MED13L: variants seen among roughly 807,000 people sequenced by gnomAD.
The protein encoded by MED13L is mediator of RNA polymerase II transcription subunit 13-like.
Under a neutral mutation model 220.9 loss-of-function variants are expected in MED13L, and 7 were observed. The observed-to-expected ratio is 0.03, with a 90% confidence interval of 0.02 to 0.06. MED13L has a LOEUF of 0.06. MED13L is among the 10% of genes least tolerant of loss of function. The pLI is 1.00. For missense variants in MED13L, 1,965 were observed against 2,760.5 expected (o/e 0.71, Z 6.46); for synonymous variants, 1,011 against 1,015.2 (o/e 1.00, Z 0.08).
chr12:116,213,140 C>T (rs1882801210), intron 2 of MED13L, among the ~76,000 whole-genome samples: 1 of 152,126 alleles, frequency 6.6e-6, no homozygotes, highest in Non-Finnish European at 1.5e-5. Context: ...AACTTCATCT[C>T]CCACACTCTT....
chr12:116,226,656 G>A (rs1248341565), intron 2 of MED13L, among the ~76,000 whole-genome samples: 2 of 152,156 alleles, frequency 1.3e-5, no homozygotes, highest in Non-Finnish European at 2.9e-5. Flanking sequence ...ATCACTTGAG[G>A]TCAGAAGTTT....
intron 2 of MED13L, among the ~76,000 whole-genome samples, chr12:116,189,887 T>C (rs551592013): frequency 2.6e-4 from 39 of 152,338 alleles, no homozygotes; most frequent in Non-Finnish European, 4.7e-4. Context: ...TATTTTGTTG[T>C]ACCCTGTGAC....
chr12:116,276,280 T>C, intron 1 of MED13L: 1 of 355,932 alleles, frequency 2.8e-6, no homozygotes, highest in Non-Finnish European at 4.7e-6. Flanking sequence ...ATAAAAGCGA[T>C]GTTATCAAAC....
chr12:116,228,738 A>T (rs1248327966), intron 2 of MED13L, among the ~76,000 whole-genome samples: 5 of 152,314 alleles, frequency 3.3e-5, no homozygotes, highest in Admixed American at 2.0e-4. Flanking sequence ...ACTCCATTCA[A>T]TGTTAATGTT....
chr12:116,188,031 A>G (rs1420653484), intron 2 of MED13L, among the ~76,000 whole-genome samples: 25 of 152,084 alleles, frequency 1.6e-4, no homozygotes, highest in Admixed American at 1.6e-3. Flanking sequence ...TCACTCATTC[A>G]TTGGATTTAT....
chr12:116,029,954 GTTTT>G (rs766741738), intron 4 of MED13L, among the ~76,000 whole-genome samples: 20 of 151,562 alleles, frequency 1.3e-4, no homozygotes, highest in Admixed American at 7.2e-4. Context: ...CTCTTTTTGG[GTTTT>G]TTGTTTGTTT....
intron 23 of MED13L, 84 bp from the exon 24 acceptor site, chr12:115,975,822 C>A: frequency 2.3e-6 from 3 of 1,289,708 alleles, no homozygotes; most frequent in Non-Finnish European, 3.3e-6. Flanking sequence ...ACTGAGGGGA[C>A]CCACAGGGAG....
intron 23 of MED13L, among the ~76,000 whole-genome samples, chr12:115,979,100 A>T (rs1877151772): frequency 2.0e-5 from 3 of 152,348 alleles, no homozygotes; most frequent in Admixed American, 2.0e-4. Flanking sequence ...GCATTGACCA[A>T]CTAACCATTA....
chr12:115,996,282 G>T (rs1453921050), intron 16 of MED13L, among the ~76,000 whole-genome samples, 194 bp downstream of exon 16: 2 of 151,956 alleles, frequency 1.3e-5, no homozygotes, highest in Non-Finnish European at 2.9e-5. Context: ...AGTAGAGACG[G>T]GGTTTCACCA....
chr12:116,035,543 T>C lies in MED13L; in HGVS notation c.480-12942A>G, dbSNP rs1209761934. Among the ~76,000 whole-genome samples the C allele has an allele frequency of 2.0e-5, 3 of 152,228 alleles. No individual in the cohort carries two copies. The East Asian group carries it at 5.8e-4, about 29-fold the overall frequency. ...ATATTTTGTAATGGCTAAAATTCTA[T>C]ATTCTCAAGGTCCAGTAAGTAACAC... On this transcript the variant is annotated intron_variant, in intron 4 of 30. Transcript: ENST00000281928.
intron 2 of MED13L, among the ~76,000 whole-genome samples, chr12:116,210,922 C>T (rs1035704858): frequency 1.3e-5 from 2 of 152,072 alleles, no homozygotes; most frequent in Admixed American, 6.6e-5. Flanking sequence ...TCATGGTTTA[C>T]CACCTGAAGC....
chr12:116,135,870 C>A (rs1876502368), intron 2 of MED13L, among the ~76,000 whole-genome samples: 1 of 151,542 alleles, frequency 6.6e-6, no homozygotes, highest in African/African-American at 2.4e-5. Flanking sequence ...AGCCACTGTG[C>A]TGCTTCAAGT....
In MED13L at chr12:115,968,967, A is replaced by G; in HGVS notation, c.6198T>C (p.Gly2066=). ...GACTATGCTGGAAGTGAGAGCCCAC[A>G]CCAATTCCAGAAGGAGAGCCTGGGG... The part of the protein sequence containing the change: ...VPSPGSPSGI[G]VGSHFQHSRS... The change falls in exon 28 of 31, where the codon GGT becomes GGC. Residue 2066 remains glycine (G), a synonymous_variant. Transcript: ENST00000281928. The G allele has an allele frequency of 6.2e-7, 1 of 1,614,090 alleles. No individual in the cohort carries two copies. The highest frequency in any genetic ancestry group is 8.5e-7 in the Non-Finnish European group (1 of 1,179,986).
intron 4 of MED13L, among the ~76,000 whole-genome samples, chr12:116,062,044 C>T (rs918924851): frequency 8.0e-5 from 12 of 150,872 alleles, no homozygotes; most frequent in Admixed American, 1.3e-4. Flanking sequence ...AAATTCTATC[C>T]GAAATCCAAA....
intron 2 of MED13L, among the ~76,000 whole-genome samples, chr12:116,208,642 A>C (rs1269847187): frequency 6.6e-6 from 1 of 152,242 alleles, no homozygotes; most frequent in Non-Finnish European, 1.5e-5. Flanking sequence ...CAGAAAGAGG[A>C]TAAAACTAAT....
chr12:116,003,891 T>C (rs1878894559), intron 13 of MED13L, among the ~76,000 whole-genome samples: 1 of 152,134 alleles, frequency 6.6e-6, no homozygotes, highest in Non-Finnish European at 1.5e-5. Context: ...TAGCAATATA[T>C]TCTAAGGTAA....
chr12:116,026,391 C>T (rs1477333458), intron 4 of MED13L, among the ~76,000 whole-genome samples: 1 of 152,048 alleles, frequency 6.6e-6, no homozygotes, highest in Non-Finnish European at 1.5e-5. Context: ...TTAAAAGAGG[C>T]ACTGAAAACA....
In MED13L at chr12:116,037,053, T is replaced by C. The variant is rs571746670; in HGVS notation, c.480-14452A>G. ...GCACATAATTTTCTAAAATGAGGCA[T>C]AGTACTTGTATATTACTACTAAATC... On this transcript the variant is annotated intron_variant, in intron 4 of 30. Transcript: ENST00000281928. Among the ~76,000 whole-genome samples the C allele has an allele frequency of 7.2e-5, 11 of 152,312 alleles. No individual in the cohort carries two copies. In the South Asian group the frequency reaches 1.7e-3, roughly 23 times the overall value.
chr12:116,149,274 G>A (rs1234682785), intron 2 of MED13L, among the ~76,000 whole-genome samples: 3 of 151,952 alleles, frequency 2.0e-5, no homozygotes, highest in African/African-American at 7.3e-5. Flanking sequence ...ATTATAGTTA[G>A]CTATATACAG....
Sources: gnomAD v4.1 joint callset for allele counts (sites outside exome capture counted in the v4.1 genomes callset) on GRCh38, gnomAD v4.1.1 for gene constraint, MANE v1.5 for transcripts, NCBI Gene and HGNC (gene_info 2026-07-23, HGNC 2026-07-21) for gene names.